The following CHP1 variants were observed in gnomAD, a reference collection of about 807,000 sequenced individuals.
The protein encoded by CHP1 is calcineurin like EF-hand protein 1, also known as calcineurin B homologous protein 1.
CHP1 carries 11 observed loss-of-function variants against 27.4 expected under a neutral mutation model. The observed-to-expected ratio is 0.40, with a 90% CI of 0.25 to 0.67. The LOEUF (loss-of-function observed/expected upper bound fraction) is 0.67, where lower values mean the gene tolerates loss of function less well. Ranked by LOEUF, CHP1 falls within the 30% of genes least tolerant of loss-of-function variation. The probability of loss-of-function intolerance (pLI) is 0.38; values close to 1 mark genes in which losing one functional copy is unlikely to be tolerated. For missense variants in CHP1, 169 were observed against 251.3 expected (o/e 0.67, Z 2.22); for synonymous variants, 89 against 87.4 (o/e 1.02, Z -0.10).
At chr15:41,249,558 C>T (rs2047354079) in intron 2 of CHP1, among the ~76,000 whole-genome samples, 3 of 150,300 alleles carry the variant, frequency 2.0e-5, no homozygotes, top group East Asian at 2.0e-4. Context: ...CTGCAACCTC[C>T]GCCTCCCGGG....
chr15:41,269,409 C>T (rs1166804206), intron 4 of CHP1, among the ~76,000 whole-genome samples: 1 of 152,010 alleles, frequency 6.6e-6, no homozygotes, highest in African/African-American at 2.4e-5. Context: ...ATATTTAAAC[C>T]TGTAGATATT....
At chr15:41,242,961 T>TAA (rs143884948) in intron 1 of CHP1, among the ~76,000 whole-genome samples, 43 of 151,952 alleles carry the variant, frequency 2.8e-4, no homozygotes, top group Non-Finnish European at 4.1e-4. Context: ...AAGAAAAAAG[T>TAA]AAAAAAATAA....
chr15:41,270,498 C>T, intron 4 of CHP1, 59 bp from the exon 5 acceptor site: 1 of 1,290,502 alleles, frequency 7.7e-7, no homozygotes, highest in East Asian at 2.3e-5. Flanking sequence ...ATATTTAGTT[C>T]CTTGAGAAGG....
intron 4 of CHP1, among the ~76,000 whole-genome samples, chr15:41,269,743 T>C (rs1262398091): frequency 6.6e-6 from 1 of 152,158 alleles, no homozygotes; most frequent in African/African-American, 2.4e-5. Context: ...CAGCACTCTA[T>C]TTAAGACCCT....
At position 41,243,786 on chromosome 15, in the gene CHP1, C is replaced by T. The variant is rs752434810; in HGVS notation, c.140+47C>T. The T allele has an allele frequency of 1.3e-5, 20 of 1,538,044 alleles. No individual in the cohort carries two copies. In the South Asian group the frequency reaches 2.3e-4, roughly 17 times the overall value. The stretch of plus-strand genomic sequence containing the variant: ...TTTCCTCACAGAAACCAGAAACCCT[C>T]TGGCAGTGTCTGAATAGCTGCCTTT... On this transcript the variant is annotated intron_variant, in intron 2 of 6. Transcript: ENST00000334660.
chr15:41,280,592 A>C lies in CHP1; in HGVS notation c.*1203A>C, dbSNP rs1029803104. 2 of 140,958 alleles carry C rather than the reference A, an allele frequency of 1.4e-5. No individual in the cohort carries two copies. The highest frequency in any genetic ancestry group is 3.0e-5 in the Non-Finnish European group (2 of 66,292). 8.7% of individuals were successfully genotyped at this position (140,958 alleles called of 1,614,324 possible). A position where few individuals can be genotyped will look rare whatever the true frequency, so the allele number is the denominator to read the frequency against. ...TGCAGTGGTGCGATCGCTCACTGCA[A>C]CCTCAGCCTCCTGGATTTAAGTGAT... On this transcript the variant is annotated 3_prime_UTR_variant, in exon 7 of 7. Transcript: ENST00000334660.
At chr15:41,235,078 C>T (rs2047269999) in intron 1 of CHP1, among the ~76,000 whole-genome samples, 1 of 152,142 alleles carries the variant, frequency 6.6e-6, no homozygotes, top group Admixed American at 6.6e-5. Context: ...CTTTGTTCTA[C>T]TACCTTCTTT....
intron 4 of CHP1, chr15:41,264,294 G>A: frequency 1.0e-6 from 1 of 977,324 alleles, no homozygotes; most frequent in Non-Finnish European, 1.4e-6. Flanking sequence ...CGAGTGCCGA[G>A]GAGATTAGGC....
intron 3 of CHP1, among the ~76,000 whole-genome samples, chr15:41,261,461 ATATATT>A (rs1434184129): frequency 1.3e-5 from 2 of 152,064 alleles, no homozygotes; most frequent in African/African-American, 2.4e-5. Context: ...CAGCCAGAAA[ATATATT>A]TATATTAACT....
At chr15:41,268,399 G>A (rs1276040517) in intron 4 of CHP1, among the ~76,000 whole-genome samples, 1 of 151,778 alleles carries the variant, frequency 6.6e-6, no homozygotes, top group African/African-American at 2.4e-5. Flanking sequence ...GTAATCCCAG[G>A]GCTTTGGCAG....
rs141757808 is a variant in CHP1 at position 41,249,451 on chromosome 15, G to A, written c.140+5712G>A. Among the ~76,000 whole-genome samples, 204 of 145,296 alleles carry A rather than the reference G, an allele frequency of 1.4e-3. 1 individual carries two copies. Among genetic ancestry groups the A allele is most frequent in the African/African-American group, 5.1e-3 (197 of 38,414 alleles). ...CTACAGATGTGTGCCACCATGCCTG[G>A]CCTTCACCTTCTTTTTTTTTTTTTT... is the stretch of plus-strand genomic sequence containing the variant. On this transcript the variant is annotated intron_variant, in intron 2 of 6. Transcript: ENST00000334660.
chr15:41,256,918 A>G lies in CHP1; in HGVS notation c.149A>G (p.Asp50Gly). 1 of 1,614,094 alleles carries G rather than the reference A, an allele frequency of 6.2e-7. No individual in the cohort carries two copies. Residue 50 changes from aspartate (D) to glycine (G), a missense_variant, in exon 3 of 7, where the codon GAT (aspartate) becomes GGT (glycine). By Grantham distance (94) the Asp-to-Gly change is moderately conservative. Transcript: ENST00000334660. The part of the protein sequence containing the change: ...KGENGTLSRE[D>G]FQRIPELAIN... ...GGTGATTCTCTTGGCAGCCGGGAAG[A>G]TTTCCAGAGGATTCCAGAACTTGCC...
At chr15:41,256,640 T>C in intron 2 of CHP1, 1 of 456,286 alleles carries the variant, frequency 2.2e-6, no homozygotes. Context: ...TTAGTATTTG[T>C]CCATCAGTTG....
At chr15:41,265,879 A>G (rs1230392326) in intron 4 of CHP1, among the ~76,000 whole-genome samples, 1 of 152,184 alleles carries the variant, frequency 6.6e-6, no homozygotes, top group African/African-American at 2.4e-5. Flanking sequence ...AGGCTGAACT[A>G]TGCCCATGTA....
At chr15:41,277,671 C>T (rs902479203) in intron 5 of CHP1, among the ~76,000 whole-genome samples, 9 of 151,996 alleles carry the variant, frequency 5.9e-5, no homozygotes, top group Non-Finnish European at 1.3e-4. Context: ...CCCTGTAATC[C>T]CAGCTACTCG....
At position 41,279,322 on chromosome 15, in the gene CHP1, G is replaced by T. The variant is rs375455834; in HGVS notation, c.535-14G>T. ...TTCATAACCTTTGTAACTGTTACTG[G>T]TTTTCTCCCCCAGGTTTTGGAGAAG... is the stretch of plus-strand genomic sequence containing the variant. On this transcript the variant is annotated splice_polypyrimidine_tract_variant and intron_variant, in intron 6 of 6. Transcript: ENST00000334660. The T allele has an allele frequency of 1.2e-6, 2 of 1,610,510 alleles. No individual in the cohort carries two copies. The highest frequency in any genetic ancestry group is 1.7e-6 in the Non-Finnish European group (2 of 1,176,888).
chr15:41,257,105 A>T (rs1043618613), intron 3 of CHP1, 115 bp downstream of exon 3: 6 of 704,756 alleles, frequency 8.5e-6, no homozygotes, highest in Non-Finnish European at 1.4e-5. Flanking sequence ...CCCCCTGATT[A>T]TATTGAGCAA....
At chr15:41,242,227 T>C (rs1489039973) in intron 1 of CHP1, among the ~76,000 whole-genome samples, 2 of 152,196 alleles carry the variant, frequency 1.3e-5, no homozygotes, top group East Asian at 3.9e-4. Context: ...GTGAAGCTCA[T>C]GCCATCACAG....
Position 41,231,440 on chromosome 15 carries a change from G to C in CHP1, c.58G>C (p.Glu20Gln). 6.2e-7 allele frequency: 1 copy of C among 1,602,526 alleles called. No homozygotes were observed. Among genetic ancestry groups the C allele is most frequent in the Non-Finnish European group, 8.5e-7 (1 of 1,175,784 alleles). The change falls in exon 1 of 7, where the codon GAG becomes CAG. Residue 20 changes from glutamate to glutamine, a missense_variant. By Grantham distance (29) the Glu-to-Gln change is conservative (BLOSUM62 2). Coordinates refer to ENST00000334660, the MANE Select transcript of CHP1 (RefSeq NM_007236.5). Reference sequence around the variant, plus strand: ...CGAAGAGCTCGAGGAGATCAAGAAGGAGACCGGCTGTGAGTTCGGGTTGGG... The same window carrying C: ...CGAAGAGCTCGAGGAGATCAAGAAGCAGACCGGCTGTGAGTTCGGGTTGGG... The part of the protein sequence containing the change: ...RDEELEEIKK[E>Q]TGFSHSQITR...
Sources: allele counts gnomAD v4.1 joint callset (sites outside exome capture counted in the v4.1 genomes callset), GRCh38; gene constraint gnomAD v4.1.1; transcripts MANE v1.5; gene names NCBI Gene and HGNC (gene_info 2026-07-23, HGNC 2026-07-21).